The following AZI2 variants were observed in gnomAD, a reference collection of about 807,000 sequenced individuals.
AZI2 encodes the protein 5-azacytidine induced 2, also known as 5-azacytidine-induced protein 2.
AZI2 carries 22 observed loss-of-function variants against 45.8 expected under a neutral mutation model. The ratio of observed to expected loss-of-function variants is 0.48; its 90% CI spans 0.34 to 0.69. AZI2 has a LOEUF of 0.69. Ranked by LOEUF, AZI2 falls within the 30% of genes least tolerant of loss-of-function variation. AZI2 has a pLI of 0.01. For missense variants in AZI2, 417 were observed against 441.5 expected (o/e 0.94, Z 0.50); for synonymous variants, 137 against 156.7 (o/e 0.87, Z 0.94).
chr3:28,339,622 A>C (rs187328247), intron 2 of AZI2, among the ~76,000 whole-genome samples: 5 of 152,262 alleles, frequency 3.3e-5, no homozygotes, highest in Admixed American at 3.3e-4. Context: ...CCCATCTTCA[A>C]GTTTTTTTTA....
rs1239151907 is a variant in AZI2, at chr3:28,321,328, ATC to A, written c.*2712_*2713del. 6.6e-6 allele frequency: 1 copy of A among 151,450 alleles called. No homozygotes were observed. Among genetic ancestry groups the A allele is most frequent in the African/African-American group, 2.4e-5 (1 of 41,350 alleles). The allele number at this position is 151,450 out of a possible 1,614,324, so 9.4% of individuals were successfully genotyped here. A position where few individuals can be genotyped will look rare whatever the true frequency, so the allele number is the denominator to read the frequency against. On this transcript the variant is annotated 3_prime_UTR_variant, in exon 8 of 8. Transcript: ENST00000479665. ...CTTTAAGAAGCTAGTGAAATATACA[ATC>A]TATTTTATAGCTTTGATTAAAATCA...
chr3:28,336,999 T>C, intron 4 of AZI2, 114 bp from the exon 5 acceptor site: 1 of 1,012,160 alleles, frequency 9.9e-7, no homozygotes. Context: ...ACATAAAACA[T>C]ATATGATCAA....
intron 4 of AZI2, chr3:28,337,157 T>A (rs1178414205): frequency 1.1e-5 from 4 of 352,190 alleles, no homozygotes; most frequent in Non-Finnish European, 2.1e-5. Flanking sequence ...ATATTCTGCA[T>A]AAGGTTAAAA....
At chr3:28,338,916 A>C (rs1301250703) in intron 2 of AZI2, among the ~76,000 whole-genome samples, 3 of 152,064 alleles carry the variant, frequency 2.0e-5, no homozygotes, top group African/African-American at 7.2e-5. Flanking sequence ...CACTGCTTAG[A>C]TGTTTTTTAA....
chr3:28,345,805 A>G (rs1420140651), intron 1 of AZI2, among the ~76,000 whole-genome samples: 2 of 152,140 alleles, frequency 1.3e-5, no homozygotes, highest in African/African-American at 4.8e-5. Flanking sequence ...TTGGGATACT[A>G]GAAAACATAT....
At chr3:28,324,744 T>A in intron 7 of AZI2, 1 of 266,454 alleles carries the variant, frequency 3.8e-6, no homozygotes, top group Non-Finnish European at 7.0e-6. Flanking sequence ...GTCATAGAGC[T>A]TTTAAAAGAT....
intron 7 of AZI2, among the ~76,000 whole-genome samples, chr3:28,325,878 T>C (rs1220772308): frequency 1.3e-5 from 2 of 151,048 alleles, no homozygotes; most frequent in Admixed American, 6.6e-5. Context: ...CCCTGATTTA[T>C]ATGTAACCAA....
Position 28,332,474 on chromosome 3 carries a change from A to C in AZI2, c.589-47T>G, listed in dbSNP as rs199908700. ...GAAGTTTAAAAGTTGTAATTTTTAC[A>C]ATTTATTTAGTCTCAGCTCTTTCTT... On this transcript the variant is annotated intron_variant, in intron 5 of 7. Coordinates refer to ENST00000479665, the MANE Select transcript of AZI2 (RefSeq NM_022461.5). 19 of 1,503,360 alleles carry C rather than the reference A, an allele frequency of 1.3e-5. No individual in the cohort carries two copies. The East Asian group carries it at 4.1e-4, about 32-fold the overall frequency. The allele number at this position is 1,503,360 out of a possible 1,614,324, so 93.1% of individuals were successfully genotyped here. A position where few individuals can be genotyped will look rare whatever the true frequency, so the allele number is the denominator to read the frequency against.
At chr3:28,338,738 T>A in intron 2 of AZI2, 123 bp from the exon 3 acceptor site, 1 of 836,716 alleles carries the variant, frequency 1.2e-6, no homozygotes, top group Non-Finnish European at 1.7e-6. Context: ...CTGGATTCAT[T>A]AGGTGAGTAT....
chr3:28,336,395 T>C (rs557232222), intron 5 of AZI2, among the ~76,000 whole-genome samples: 2 of 152,158 alleles, frequency 1.3e-5, no homozygotes, highest in South Asian at 2.1e-4. Flanking sequence ...TAAAATAATA[T>C]AGGACTTAAA....
chr3:28,348,809 G>C lies in AZI2; in HGVS notation c.-214C>G. 3.5e-6 allele frequency: 1 copy of C among 287,284 alleles called. No individual in the cohort carries two copies. The highest frequency in any genetic ancestry group is 1.3e-4 in the South Asian group (1 of 7,570). 17.8% of individuals were successfully genotyped at this position (287,284 alleles called of 1,614,324 possible). Reference sequence around the variant, plus strand: ...TTCTTCTGACTCGGCAGGAGCCCGGGACGTTCTGGAAGGAGGGACGAGCCG... The same window carrying C: ...TTCTTCTGACTCGGCAGGAGCCCGGCACGTTCTGGAAGGAGGGACGAGCCG... On this transcript the variant is annotated 5_prime_UTR_variant, in exon 1 of 8. Coordinates refer to ENST00000479665, the MANE Select transcript of AZI2 (RefSeq NM_022461.5).
intron 1 of AZI2, among the ~76,000 whole-genome samples, chr3:28,341,287 T>C (rs1332260271): frequency 6.6e-6 from 1 of 152,104 alleles, no homozygotes; most frequent in Non-Finnish European, 1.5e-5. Context: ...ATGTATCATC[T>C]ATATTTTATA....
intron 6 of AZI2, among the ~76,000 whole-genome samples, chr3:28,328,554 A>G (rs1209803401): frequency 1.3e-5 from 2 of 151,178 alleles, no homozygotes; most frequent in African/African-American, 4.8e-5. Context: ...GAAATAAACA[A>G]TTCTAGTAAC....
In AZI2 at chr3:28,338,710, G is replaced by C. The variant is rs188585620; in HGVS notation, c.217-95C>G. ...GATGGCTCCATATCTTACTTCAATC[G>C]TAATAAGGGGATAAAGCCTGGATTC... On this transcript the variant is annotated intron_variant, in intron 2 of 7. Transcript: ENST00000479665. The C allele has an allele frequency of 3.0e-5, 33 of 1,101,746 alleles. No homozygotes were observed. In the East Asian group the frequency reaches 8.5e-4, roughly 29 times the overall value. The allele number at this position is 1,101,746 out of a possible 1,614,324, so 68.2% of individuals were successfully genotyped here.
chr3:28,331,856 G>A (rs377362315), intron 6 of AZI2: 48 of 1,546,990 alleles, frequency 3.1e-5, no homozygotes, highest in Non-Finnish European at 4.2e-5. Flanking sequence ...GAACTCTGAT[G>A]GCTACTTCTA....
chr3:28,342,598 T>C (rs1041371988), intron 1 of AZI2, among the ~76,000 whole-genome samples: 2 of 152,086 alleles, frequency 1.3e-5, no homozygotes, highest in African/African-American at 2.4e-5. Context: ...ATTCCAGTCA[T>C]GCTACTGCTA....
At chr3:28,336,969 T>C in intron 4 of AZI2, 84 bp from the exon 5 acceptor site, 2 of 1,376,380 alleles carry the variant, frequency 1.5e-6, no homozygotes, top group African/African-American at 1.5e-5. Flanking sequence ...TCTGGTAAAA[T>C]GTAGATAATA....
rs1352501739 is a variant in AZI2 at position 28,324,287 on chromosome 3, C to G, written c.934G>C (p.Glu312Gln). ...GTCCATGATTGGAGGATTGCTTTCT[C>G]TGATAAAACCTTTACATCTCCTGGT... is the stretch of plus-strand genomic sequence containing the variant. ...PLPGDVKVLS[E>Q]KAILQSWTDN... The change falls in exon 8 of 8, where the codon GAG (glutamate) becomes CAG (glutamine). Residue 312 changes from glutamate to glutamine, a missense_variant. Coordinates refer to ENST00000479665, the MANE Select transcript of AZI2 (RefSeq NM_022461.5). The G allele has an allele frequency of 8.7e-6, 14 of 1,607,958 alleles. No individual in the cohort carries two copies. Among genetic ancestry groups the G allele is most frequent in the Middle Eastern group, 1.7e-4 (1 of 6,044 alleles).
chr3:28,332,453 T>C (rs1703619916), intron 5 of AZI2, 26 bp from the exon 6 acceptor site: 2 of 1,589,452 alleles, frequency 1.3e-6, no homozygotes, highest in African/African-American at 1.3e-5. Flanking sequence ...AAAAAAGAAG[T>C]TTAAAAGTTG....
Sources: gnomAD v4.1 joint callset for allele counts (sites outside exome capture counted in the v4.1 genomes callset) on GRCh38, gnomAD v4.1.1 for gene constraint, MANE v1.5 for transcripts, NCBI Gene and HGNC (gene_info 2026-07-23, HGNC 2026-07-21) for gene names.